Variants in WWTR1 observed in about 807,000 individuals in gnomAD.
WWTR1 encodes the protein WW domain-containing transcription regulator protein 1.
A neutral mutation model predicts 40.1 loss-of-function variants in WWTR1; 13 were observed. That is an observed-to-expected ratio of 0.32 (90% confidence interval 0.21 to 0.52). The LOEUF is 0.52. Ranked by LOEUF, WWTR1 falls within the 20% of genes least tolerant of loss-of-function variation. WWTR1 has a pLI of 0.97. For synonymous variants in WWTR1, 230 were observed against 210.1 expected, an observed-to-expected ratio of 1.09 and a Z score of -0.82; for missense variants, 436 against 523.1, an observed-to-expected ratio of 0.83 and a Z score of 1.63.
intron 1 of WWTR1, among the ~76,000 whole-genome samples, chr3:149,676,699 G>C (rs80334176): frequency 6.6e-6 from 1 of 152,110 alleles, no homozygotes; most frequent in Non-Finnish European, 1.5e-5. Context: ...AACCGGGTCT[G>C]CCTATTTTCA....
At chr3:149,578,573 C>T (rs1737993910) in intron 2 of WWTR1, among the ~76,000 whole-genome samples, 1 of 152,114 alleles carries the variant, frequency 6.6e-6, no homozygotes, top group Admixed American at 6.6e-5. Flanking sequence ...ATTGTGCAAA[C>T]ATAGTAAAGG....
intron 4 of WWTR1, among the ~76,000 whole-genome samples, chr3:149,539,941 A>T (rs948930744): frequency 1.3e-5 from 2 of 152,108 alleles, no homozygotes; most frequent in African/African-American, 4.8e-5. Context: ...GACAATCAGG[A>T]GCATGCTGCT....
chr3:149,584,568 G>A (rs998294906), intron 2 of WWTR1, among the ~76,000 whole-genome samples: 5 of 152,302 alleles, frequency 3.3e-5, no homozygotes, highest in African/African-American at 9.6e-5. Context: ...CTGAGGCATC[G>A]AAAGGGACCA....
At chr3:149,582,974 AT>A (rs902684055) in intron 2 of WWTR1, among the ~76,000 whole-genome samples, 3 of 152,024 alleles carry the variant, frequency 2.0e-5, no homozygotes, top group Non-Finnish European at 4.4e-5. Context: ...TATTACTCTT[AT>A]TTTTTTCTGA....
At chr3:149,538,179 C>T (rs192424657) in intron 4 of WWTR1, among the ~76,000 whole-genome samples, 9 of 152,216 alleles carry the variant, frequency 5.9e-5, no homozygotes, top group East Asian at 5.8e-4. Flanking sequence ...CTTGGCTTCC[C>T]GAAGTGCTGG....
At chr3:149,537,902 T>C (rs983399104) in intron 4 of WWTR1, among the ~76,000 whole-genome samples, 1 of 152,140 alleles carries the variant, frequency 6.6e-6, no homozygotes, top group Non-Finnish European at 1.5e-5. Flanking sequence ...ATCACTAAAG[T>C]AACTCAGTAA....
chr3:149,703,001 A>C (rs1715242912), intron 1 of WWTR1: 1 of 152,220 alleles, frequency 6.6e-6, no homozygotes, highest in Admixed American at 6.5e-5. Flanking sequence ...GAAAGTGTTA[A>C]CATTTACTAT....
intron 2 of WWTR1, among the ~76,000 whole-genome samples, chr3:149,641,137 ACT>A: frequency 6.6e-6 from 1 of 152,270 alleles, no homozygotes; most frequent in Admixed American, 6.5e-5. Context: ...GGCAGACTTT[ACT>A]GTCACTGTAC....
intron 2 of WWTR1, among the ~76,000 whole-genome samples, chr3:149,645,374 TG>T (rs1712458983): frequency 1.3e-5 from 2 of 152,046 alleles, no homozygotes; most frequent in Non-Finnish European, 2.9e-5. Context: ...CCACCACGCC[TG>T]GCCCCAGGCT....
At chr3:149,540,571 C>T (rs1736048343) in intron 4 of WWTR1, among the ~76,000 whole-genome samples, 1 of 152,156 alleles carries the variant, frequency 6.6e-6, no homozygotes, top group South Asian at 2.1e-4. Context: ...ATTTACCTTA[C>T]ATTATAAAAC....
intron 2 of WWTR1, among the ~76,000 whole-genome samples, chr3:149,630,988 T>C (rs1191555237): frequency 2.0e-5 from 3 of 152,176 alleles, no homozygotes; most frequent in Non-Finnish European, 2.9e-5. Context: ...GAAACAAATA[T>C]TCTTTTGTTG....
In WWTR1 at chr3:149,642,547, G is replaced by A. The variant is rs573722059; in HGVS notation, c.431+14329C>T. 6.6e-5 allele frequency among the ~76,000 whole-genome samples: 10 copies of A among 151,952 alleles called. No homozygotes were observed. In the South Asian group the frequency reaches 8.3e-4, roughly 13 times the overall value. On this transcript the variant is annotated intron_variant, in intron 2 of 6. Transcript: ENST00000360632. ...TCCCAGCACTTTGGGAGGCCGAGGC[G>A]GGTGGATCACGAGGTCAGGAGATCG...
intron 5 of WWTR1, among the ~76,000 whole-genome samples, chr3:149,712,239 C>T (rs1264431203): frequency 2.0e-5 from 3 of 152,084 alleles, no homozygotes; most frequent in African/African-American, 7.2e-5. Flanking sequence ...TACACTATGA[C>T]CACACCTGTG....
intron 5 of WWTR1, among the ~76,000 whole-genome samples, chr3:149,714,998 C>T (rs1715569326): frequency 6.6e-6 from 1 of 151,978 alleles, no homozygotes; most frequent in African/African-American, 2.4e-5. Flanking sequence ...TCTCTGCTGA[C>T]AGCTGAAAAC....
intron 3 of WWTR1, among the ~76,000 whole-genome samples, chr3:149,561,166 T>TA (rs1362417498): frequency 6.6e-6 from 1 of 152,198 alleles, no homozygotes; most frequent in Non-Finnish European, 1.5e-5. Context: ...TTTATAATGA[T>TA]AAAAAATAGA....
chr3:149,631,447 C>T (rs1011400046), intron 2 of WWTR1, among the ~76,000 whole-genome samples: 1 of 152,158 alleles, frequency 6.6e-6, no homozygotes, highest in Non-Finnish European at 1.5e-5. Context: ...ATTAACATTT[C>T]ATCTCTCCTT....
At chr3:149,595,006 G>C (rs1289287426) in intron 2 of WWTR1, among the ~76,000 whole-genome samples, 8 of 120,528 alleles carry the variant, frequency 6.6e-5, no homozygotes, top group Admixed American at 3.4e-4. Flanking sequence ...TCTGTTGCCA[G>C]GCTGGAGTGC....
intron 5 of WWTR1, among the ~76,000 whole-genome samples, chr3:149,712,809 T>G (rs980545258): frequency 6.6e-6 from 1 of 152,214 alleles, no homozygotes; most frequent in African/African-American, 2.4e-5. Flanking sequence ...GTGGAAAGTA[T>G]TTTGAAACCA....
intron 3 of WWTR1, among the ~76,000 whole-genome samples, chr3:149,562,144 A>T (rs1394173552): frequency 2.6e-5 from 4 of 152,140 alleles, no homozygotes; most frequent in South Asian, 4.2e-4. Context: ...AAAATACAAA[A>T]ATTAGCCGGG....
Sources: allele counts gnomAD v4.1 joint callset (sites outside exome capture counted in the v4.1 genomes callset), GRCh38; gene constraint gnomAD v4.1.1; transcripts MANE v1.5; gene names NCBI Gene and HGNC (gene_info 2026-07-23, HGNC 2026-07-21).